The following COQ8A variants were observed in gnomAD, a reference collection of about 807,000 sequenced individuals.
The protein encoded by COQ8A is coenzyme Q8A, also known as atypical kinase COQ8A, mitochondrial.
Under a neutral mutation model 65.0 loss-of-function variants are expected in COQ8A, and 51 were observed. That is an observed-to-expected ratio of 0.78 (90% CI 0.63 to 0.99). COQ8A has a LOEUF of 0.99. Among genes scored for constraint, COQ8A ranks in the 50% least tolerant of loss-of-function variants. The pLI, the probability that COQ8A is intolerant of heterozygous loss-of-function variation, is 0.00. For missense variants in COQ8A, 940 were observed against 875.0 expected (o/e 1.07, Z -0.94); for synonymous variants, 371 against 353.2 (o/e 1.05, Z -0.57).
intron 1 of COQ8A, among the ~76,000 whole-genome samples, chr1:226,956,459 G>C (rs1316487454): frequency 1.0e-4 from 9 of 86,048 alleles, no homozygotes; most frequent in South Asian, 4.3e-4. Flanking sequence ...CTCCCTGGCT[G>C]CCACTCCCTG....
intron 12 of COQ8A, 43 bp downstream of exon 12, chr1:226,984,698 T>C (rs995056911): frequency 1.3e-5 from 20 of 1,578,750 alleles, no homozygotes; most frequent in Non-Finnish European, 1.7e-5. Context: ...GCCTGAGAGC[T>C]TCTCCGAATG....
intron 4 of COQ8A, among the ~76,000 whole-genome samples, chr1:226,976,335 CGGGACTGCGGGGCTGT>C (rs1416059810): frequency 7.2e-6 from 1 of 138,682 alleles, no homozygotes; most frequent in East Asian, 2.1e-4. Context: ...TGCGGGGCTG[CGGGACTGCGGGGCTGT>C]GGGACTGCGA....
In COQ8A at chr1:226,983,035, G is replaced by GT. The variant is rs752292680; in HGVS notation, c.1080+2dup. The GT allele has an allele frequency of 1.3e-6, 2 of 1,583,518 alleles. No homozygotes were observed. The highest frequency in any genetic ancestry group is 1.7e-6 in the Non-Finnish European group (2 of 1,166,090). On this transcript the variant is annotated splice_donor_variant, in intron 8 of 14. Coordinates refer to ENST00000366777, the MANE Select transcript of COQ8A (RefSeq NM_020247.5). LOFTEE classifies it high-confidence loss of function. ...CCGCGAGGTGGCCATGAAGATCCAGGTAGGCGGCCTGATGCGCAGTGCCTG... is the reference window on the plus strand; with the variant it reads ...CCGCGAGGTGGCCATGAAGATCCAGGTTAGGCGGCCTGATGCGCAGTGCCTG...
intron 1 of COQ8A, among the ~76,000 whole-genome samples, chr1:226,960,502 G>GGTGATGGTACTTGGTGGTGGTGATGGTA (rs1558187650): frequency 9.1e-6 from 1 of 109,900 alleles, no homozygotes; most frequent in Non-Finnish European, 1.9e-5. Context: ...TGGTGGTGGT[G>GGTGATGGTACTTGGTGGTGGTGATGGTA]CTTGGTGGTG....
chr1:226,969,385 G>C (rs1658750936), intron 4 of COQ8A, among the ~76,000 whole-genome samples: 1 of 152,046 alleles, frequency 6.6e-6, no homozygotes, highest in Non-Finnish European at 1.5e-5. Flanking sequence ...TGCAACTTCT[G>C]CCTCCTGGGT....
intron 4 of COQ8A, among the ~76,000 whole-genome samples, chr1:226,973,022 C>T (rs1190419575): frequency 6.6e-6 from 1 of 152,218 alleles, no homozygotes; most frequent in Non-Finnish European, 1.5e-5. Flanking sequence ...CTGTTGGACC[C>T]TTTGGCTGGG....
intron 5 of COQ8A, among the ~76,000 whole-genome samples, chr1:226,980,061 G>A (rs1659596095): frequency 6.6e-6 from 1 of 152,238 alleles, no homozygotes. Flanking sequence ...CTGAGAGGGG[G>A]ACCCGAGGCT....
chr1:226,943,935 C>T (rs1413727167), intron 1 of COQ8A, among the ~76,000 whole-genome samples: 1 of 152,020 alleles, frequency 6.6e-6, no homozygotes, highest in Non-Finnish European at 1.5e-5. Context: ...GTTGAGAGGT[C>T]CTGCCTGGCC....
Position 226,983,435 on chromosome 1 carries a change from G to C in COQ8A, c.1081-117G>C. Reference sequence around the variant, plus strand: ...CTGGGTCTTAGCTCTGGTTCTCCAGGGTGTGGGCTGGGGCCAGGACACAGC... The same window carrying C: ...CTGGGTCTTAGCTCTGGTTCTCCAGCGTGTGGGCTGGGGCCAGGACACAGC... On this transcript the variant is annotated intron_variant, in intron 8 of 14. Coordinates refer to ENST00000366777, the MANE Select transcript of COQ8A (RefSeq NM_020247.5). The C allele has an allele frequency of 5.2e-6, 5 of 952,434 alleles. 1 individual carries two copies. The allele number at this position is 952,434 out of a possible 1,614,324, so 59.0% of individuals were successfully genotyped here. A position where few individuals can be genotyped will look rare whatever the true frequency, so the allele number is the denominator to read the frequency against.
chr1:226,961,988 G>T (rs1658281482), intron 2 of COQ8A, among the ~76,000 whole-genome samples: 1 of 152,122 alleles, frequency 6.6e-6, no homozygotes, highest in African/African-American at 2.4e-5. Flanking sequence ...TCATTCTCAT[G>T]ACTTAATTAC....
chr1:226,943,336 T>C (rs1656815632), intron 1 of COQ8A, among the ~76,000 whole-genome samples: 1 of 152,206 alleles, frequency 6.6e-6, no homozygotes, highest in African/African-American at 2.4e-5. Context: ...GAGATACTTC[T>C]GTCATTCCTG....
intron 6 of COQ8A, 113 bp from the exon 7 acceptor site, chr1:226,982,565 G>T: frequency 8.7e-7 from 1 of 1,145,810 alleles, no homozygotes; most frequent in Non-Finnish European, 1.3e-6. Flanking sequence ...CCTCACCCGT[G>T]CTCCTGGTGG....
chr1:226,959,234 A>G (rs1270219795), intron 1 of COQ8A, among the ~76,000 whole-genome samples: 1 of 151,724 alleles, frequency 6.6e-6, no homozygotes. Flanking sequence ...GAGAGCGTAG[A>G]CTCCCTTGCA....
At chr1:226,952,192 C>T (rs901705655) in intron 1 of COQ8A, among the ~76,000 whole-genome samples, 36 of 152,118 alleles carry the variant, frequency 2.4e-4, no homozygotes, top group African/African-American at 8.7e-4. Flanking sequence ...TTGGAGGTGC[C>T]ACTTTCCATC....
intron 14 of COQ8A, among the ~76,000 whole-genome samples, chr1:226,985,965 C>T (rs151093416): frequency 3.6e-3 from 547 of 152,332 alleles, no homozygotes; most frequent in African/African-American, 5.5e-3. Context: ...TTCCTGGCCG[C>T]CCCGTCCCTC....
intron 2 of COQ8A, among the ~76,000 whole-genome samples, chr1:226,964,369 C>T (rs1001992201): frequency 3.3e-5 from 5 of 152,132 alleles, no homozygotes; most frequent in African/African-American, 4.8e-5. Context: ...GACCTGGGCC[C>T]GAAGCTCAGG....
intron 1 of COQ8A, among the ~76,000 whole-genome samples, chr1:226,942,455 C>T (rs962561473): frequency 3.9e-5 from 6 of 151,934 alleles, no homozygotes; most frequent in African/African-American, 7.3e-5. Flanking sequence ...GGTAGCTTCT[C>T]GGGGATACTG....
chr1:226,982,922 A>G lies in COQ8A; in HGVS notation c.968A>G (p.Asn323Ser), dbSNP rs781073371. Residue 323 changes from asparagine to serine, a missense_variant, in exon 8 of 15, where the codon AAC becomes AGC. Asn to Ser is a conservative substitution (Grantham distance 46). Coordinates refer to ENST00000366777, the MANE Select transcript of COQ8A (RefSeq NM_020247.5). ...ACTCTCAACAACGACCTGGGCCCCA[A>G]CTGGCGGGACAAGTTGGAATACTTC... is the stretch of plus-strand genomic sequence containing the variant. ...MKTLNNDLGP[N>S]WRDKLEYFEE... 1.1e-5 allele frequency: 18 copies of G among 1,612,290 alleles called. No homozygotes were observed. Among genetic ancestry groups the G allele is most frequent in the Middle Eastern group, 1.6e-4 (1 of 6,070 alleles).
intron 4 of COQ8A, 58 bp downstream of exon 4, chr1:226,965,795 C>T (rs1311512150): frequency 1.6e-5 from 25 of 1,562,598 alleles, no homozygotes; most frequent in Admixed American, 6.7e-5. Flanking sequence ...CACCACGCTG[C>T]GGCCTGCATG....
Sources: allele counts gnomAD v4.1 joint callset (sites outside exome capture counted in the v4.1 genomes callset), GRCh38; gene constraint gnomAD v4.1.1; transcripts MANE v1.5; gene names NCBI Gene and HGNC (gene_info 2026-07-23, HGNC 2026-07-21).